The following ADARB2 variants were observed in gnomAD, a reference collection of about 807,000 sequenced individuals.
ADARB2 encodes inactive double-stranded RNA-specific editase B2.
ADARB2 carries 25 observed loss-of-function variants against 62.2 expected under a neutral mutation model. The ratio of observed to expected loss-of-function variants is 0.40; its 90% CI spans 0.29 to 0.56. The LOEUF (loss-of-function observed/expected upper bound fraction) is 0.56. Ranked by LOEUF, ADARB2 falls within the 20% of genes least tolerant of loss-of-function variation. The pLI is 0.43. For synonymous variants in ADARB2, 572 were observed against 500.8 expected, an observed-to-expected ratio of 1.14 and a Z score of -1.90; for missense variants, 1,071 against 1,077.4, an observed-to-expected ratio of 0.99 and a Z score of 0.08.
chr10:1,186,345 T>G (rs956859902), intron 8 of ADARB2, among the ~76,000 whole-genome samples: 1 of 152,282 alleles, frequency 6.6e-6, no homozygotes, highest in Non-Finnish European at 1.5e-5. Context: ...CAGAGTCTCA[T>G]AGGAAGATGC....
chr10:1,513,478 T>C (rs905582374), intron 1 of ADARB2, among the ~76,000 whole-genome samples: 1 of 152,194 alleles, frequency 6.6e-6, no homozygotes, highest in African/African-American at 2.4e-5. Context: ...GATCCTCTTC[T>C]TGCCTGTGTG....
intron 1 of ADARB2, among the ~76,000 whole-genome samples, chr10:1,463,384 C>T (rs543291609): frequency 5.1e-4 from 77 of 152,260 alleles, no homozygotes; most frequent in Non-Finnish European, 8.5e-4. Context: ...CTCCGTGTGT[C>T]GTTGGCAAAG....
chr10:1,707,848 G>A (rs368289016), intron 1 of ADARB2, among the ~76,000 whole-genome samples: 1 of 152,226 alleles, frequency 6.6e-6, no homozygotes, highest in Non-Finnish European at 1.5e-5. Context: ...TCCTCTGCTT[G>A]TTGGGGGACC....
At chr10:1,714,857 T>A (rs1177505794) in intron 1 of ADARB2, among the ~76,000 whole-genome samples, 1 of 152,206 alleles carries the variant, frequency 6.6e-6, no homozygotes, top group Non-Finnish European at 1.5e-5. Flanking sequence ...GGGCTATTTT[T>A]TAAAATTATT....
At chr10:1,254,252 C>T (rs918970518) in intron 4 of ADARB2, among the ~76,000 whole-genome samples, 1 of 150,960 alleles carries the variant, frequency 6.6e-6, no homozygotes, top group Non-Finnish European at 1.5e-5. Flanking sequence ...TGTAGAACTC[C>T]AGTGCCTGTG....
At chr10:1,559,775 G>T (rs1295944065) in intron 1 of ADARB2, among the ~76,000 whole-genome samples, 1 of 152,238 alleles carries the variant, frequency 6.6e-6, no homozygotes, top group African/African-American at 2.4e-5. Context: ...GATTTGACAG[G>T]TCTTTTCTTG....
At chr10:1,392,546 G>A (rs1416146103) in intron 1 of ADARB2, among the ~76,000 whole-genome samples, 2 of 126,300 alleles carry the variant, frequency 1.6e-5, no homozygotes, top group South Asian at 2.6e-4. Flanking sequence ...TAACCTCCAC[G>A]CAGGCAGGAG....
At chr10:1,227,221 ATC>A (rs538086345) in intron 6 of ADARB2, among the ~76,000 whole-genome samples, 102 of 152,312 alleles carry the variant, frequency 6.7e-4, no homozygotes, top group African/African-American at 2.2e-3. Flanking sequence ...GTGGAATATA[ATC>A]TCCTGGTATG....
chr10:1,547,718 G>C lies in ADARB2; in HGVS notation c.101-168558C>G, dbSNP rs1019709162. Among the ~76,000 whole-genome samples the C allele has an allele frequency of 3.2e-5, 4 of 126,784 alleles. 1 individual carries two copies. The highest frequency in any genetic ancestry group is 4.2e-3 in the Middle Eastern group (1 of 238). 83.2% of individuals were successfully genotyped at this position (126,784 alleles called of 152,430 possible). ...TGCACTGGCGTATGCACTGTGGGGA[G>C]GGGGAGAGAGGCTGTGCAAGTCTAC... On this transcript the variant is annotated intron_variant, in intron 1 of 9. Transcript: ENST00000381312.
intron 6 of ADARB2, among the ~76,000 whole-genome samples, chr10:1,229,741 T>C (rs1206522718): frequency 1.5e-5 from 2 of 134,130 alleles, no homozygotes; most frequent in Non-Finnish European, 3.1e-5. Context: ...TGCTTGTTTG[T>C]ATGTGCACGT....
rs34034912 is a variant in ADARB2 at position 1,610,048 on chromosome 10, ATT to A, written c.100+127001_100+127002del. On this transcript the variant is annotated intron_variant, in intron 1 of 9. Transcript: ENST00000381312. ...GCCACCAGCTGAATTGGATTGCTGC[ATT>A]TTTTTTTTTATTATTACTGCCTGTT... 5.5e-3 allele frequency among the ~76,000 whole-genome samples: 831 copies of A among 150,168 alleles called. 6 individuals are homozygous for A. Among genetic ancestry groups the A allele is most frequent in the Non-Finnish European group, 8.2e-3 (551 of 67,554 alleles).
At chr10:1,203,298 G>A (rs1837010978) in intron 7 of ADARB2, among the ~76,000 whole-genome samples, 1 of 152,204 alleles carries the variant, frequency 6.6e-6, no homozygotes, top group South Asian at 2.1e-4. Flanking sequence ...TGCTCACTGA[G>A]TCCAGGCTGC....
At chr10:1,594,161 G>A (rs1274077161) in intron 1 of ADARB2, among the ~76,000 whole-genome samples, 1 of 152,094 alleles carries the variant, frequency 6.6e-6, no homozygotes, top group African/African-American at 2.4e-5. Flanking sequence ...ATGGTGGCGG[G>A]CGCCTGTAAT....
intron 1 of ADARB2, among the ~76,000 whole-genome samples, chr10:1,464,063 G>C (rs1038099172): frequency 1.1e-4 from 17 of 152,198 alleles, no homozygotes; most frequent in African/African-American, 4.1e-4. Context: ...GGATGTGGAG[G>C]GGCCAGGACC....
At chr10:1,630,346 AGGCAGGGCATAAAGGGGTGGGGAGG>A (rs568665027) in intron 1 of ADARB2, among the ~76,000 whole-genome samples, 1 of 152,226 alleles carries the variant, frequency 6.6e-6, no homozygotes, top group East Asian at 1.9e-4. Flanking sequence ...TACAGAAGCA[AGGCAGGGCATAAAGGGGTGGGGAGG>A]GCTTCCTACC....
chr10:1,623,309 G>A (rs1833729443), intron 1 of ADARB2, among the ~76,000 whole-genome samples: 1 of 152,208 alleles, frequency 6.6e-6, no homozygotes, highest in African/African-American at 2.4e-5. Flanking sequence ...CTGTAGATGT[G>A]TGAAAATGAT....
At chr10:1,397,979 G>A (rs532015571) in intron 1 of ADARB2, among the ~76,000 whole-genome samples, 71 of 135,644 alleles carry the variant, frequency 5.2e-4, no homozygotes, top group Non-Finnish European at 8.7e-4. Flanking sequence ...CTCCCCTCCC[G>A]AGTGCAGGCT....
chr10:1,543,182 G>A (rs1005101789), intron 1 of ADARB2, among the ~76,000 whole-genome samples: 8 of 152,200 alleles, frequency 5.3e-5, no homozygotes, highest in African/African-American at 9.6e-5. Context: ...GGCGTTGAGA[G>A]CCAGAAACGA....
chr10:1,233,988 T>TTG (rs1830836153), intron 5 of ADARB2, 143 bp from the exon 6 acceptor site: 2 of 1,015,434 alleles, frequency 2.0e-6, no homozygotes, highest in Admixed American at 3.5e-5. Context: ...CTTTTTTTTT[T>TTG]GAGACGGAGT....
Sources: gnomAD v4.1 joint callset for allele counts (sites outside exome capture counted in the v4.1 genomes callset) on GRCh38, gnomAD v4.1.1 for gene constraint, MANE v1.5 for transcripts, NCBI Gene and HGNC (gene_info 2026-07-23, HGNC 2026-07-21) for gene names.